Variants in ADAM32 observed in about 807,000 individuals in gnomAD.
ADAM32 encodes the protein disintegrin and metalloproteinase domain-containing protein 32.
In ADAM32, 89 loss-of-function variants were observed where a neutral mutation model predicts 114.9. The observed-to-expected ratio is 0.77, with a 90% CI of 0.65 to 0.92. The LOEUF is 0.92. ADAM32 is among the 40% of genes least tolerant of loss of function. The pLI is 0.00. For synonymous variants in ADAM32, 285 were observed against 307.5 expected, an observed-to-expected ratio of 0.93 and a Z score of 0.77; for missense variants, 870 against 932.8, an observed-to-expected ratio of 0.93 and a Z score of 0.88.
chr8:39,186,504 C>A (rs2129447170), intron 10 of ADAM32, among the ~76,000 whole-genome samples: 1 of 152,212 alleles, frequency 6.6e-6, no homozygotes, highest in Non-Finnish European at 1.5e-5. Flanking sequence ...GGTTAGTGGC[C>A]ATTTCATGAG....
chr8:39,224,633 T>C (rs924328759), intron 14 of ADAM32, among the ~76,000 whole-genome samples: 1 of 152,142 alleles, frequency 6.6e-6, no homozygotes, highest in Non-Finnish European at 1.5e-5. Flanking sequence ...GAGTTACTGA[T>C]ATATTTTGGA....
At chr8:39,195,114 C>G (rs7016877) in intron 11 of ADAM32, among the ~76,000 whole-genome samples, 4,188 of 152,220 alleles carry the variant, frequency 0.028, 217 homozygotes, top group African/African-American at 0.095. Flanking sequence ...GCTTCCTCCC[C>G]CTTCAGCCCA....
At chr8:39,113,150 C>A (rs903842950) in intron 1 of ADAM32, among the ~76,000 whole-genome samples, 2 of 152,142 alleles carry the variant, frequency 1.3e-5, no homozygotes, top group Non-Finnish European at 2.9e-5. Flanking sequence ...CATGAAGAAT[C>A]CTAGACTAGG....
At chr8:39,256,031 G>A (rs555661594) in intron 18 of ADAM32, among the ~76,000 whole-genome samples, 1 of 151,952 alleles carries the variant, frequency 6.6e-6, no homozygotes, top group East Asian at 1.9e-4. Context: ...AGATCAGTTG[G>A]CTGTACGTAC....
chr8:39,271,746 G>A (rs1046455432), intron 20 of ADAM32, among the ~76,000 whole-genome samples: 1 of 152,152 alleles, frequency 6.6e-6, no homozygotes, highest in Non-Finnish European at 1.5e-5. Context: ...GTGGGGAAGA[G>A]TCAATATTTG....
At chr8:39,181,421 G>A (rs1484482187) in intron 10 of ADAM32, among the ~76,000 whole-genome samples, 1 of 151,980 alleles carries the variant, frequency 6.6e-6, no homozygotes, top group Non-Finnish European at 1.5e-5. Flanking sequence ...ACATCCAAAC[G>A]TCAGAAGGAA....
chr8:39,242,955 C>T (rs1039678485), intron 16 of ADAM32, among the ~76,000 whole-genome samples: 8 of 152,036 alleles, frequency 5.3e-5, no homozygotes, highest in African/African-American at 1.9e-4. Flanking sequence ...GGAGATATTA[C>T]AACCTATAGC....
At chr8:39,182,537 C>A (rs1341533417) in intron 10 of ADAM32, among the ~76,000 whole-genome samples, 1 of 152,142 alleles carries the variant, frequency 6.6e-6, no homozygotes, top group Non-Finnish European at 1.5e-5. Flanking sequence ...GAATGCTTAA[C>A]ATTCACTCTC....
intron 10 of ADAM32, among the ~76,000 whole-genome samples, chr8:39,186,391 T>C (rs1806248623): frequency 6.6e-6 from 1 of 152,192 alleles, no homozygotes; most frequent in Non-Finnish European, 1.5e-5. Flanking sequence ...AATCCAATAG[T>C]GCAATCTGAA....
At chr8:39,118,050 A>C in intron 1 of ADAM32, 36 bp from the exon 2 acceptor site, 1 of 1,282,190 alleles carries the variant, frequency 7.8e-7, no homozygotes, top group Admixed American at 3.1e-5. Context: ...AAATTAAGGC[A>C]AGGTTACTAA....
chr8:39,151,193 G>A (rs1404478514), intron 5 of ADAM32, among the ~76,000 whole-genome samples, 184 bp from the exon 6 acceptor site: 3 of 152,072 alleles, frequency 2.0e-5, no homozygotes, highest in Non-Finnish European at 2.9e-5. Context: ...ATACAAAAAC[G>A]AAATAGAAAA....
At chr8:39,110,235 A>AT (rs992776036) in intron 1 of ADAM32, among the ~76,000 whole-genome samples, 4 of 152,016 alleles carry the variant, frequency 2.6e-5, no homozygotes, top group South Asian at 2.1e-4. Context: ...TGCCCAGCTA[A>AT]TTTTTTTGTA....
chr8:39,250,932 C>A (rs1385484668), intron 17 of ADAM32, among the ~76,000 whole-genome samples: 2 of 152,078 alleles, frequency 1.3e-5, no homozygotes, highest in Non-Finnish European at 2.9e-5. Flanking sequence ...TGATATTTAT[C>A]TTTCTGTGCT....
At chr8:39,185,722 C>G (rs139842009) in intron 10 of ADAM32, among the ~76,000 whole-genome samples, 392 of 152,286 alleles carry the variant, frequency 2.6e-3, no homozygotes, top group Non-Finnish European at 4.1e-3. Flanking sequence ...CCTTCTATTT[C>G]ATACTGTCTG....
chr8:39,177,187 G>A (rs1200498037), intron 10 of ADAM32, among the ~76,000 whole-genome samples: 1 of 151,826 alleles, frequency 6.6e-6, no homozygotes, highest in Non-Finnish European at 1.5e-5. Flanking sequence ...AGCCTCCCAA[G>A]TAGCTGGGAT....
intron 15 of ADAM32, among the ~76,000 whole-genome samples, 199 bp downstream of exon 15, chr8:39,232,334 G>A (rs994533741): frequency 6.6e-6 from 1 of 151,972 alleles, no homozygotes; most frequent in Non-Finnish European, 1.5e-5. Flanking sequence ...ACATTTATAC[G>A]TGAATGGCCA....
chr8:39,230,780 C>T (rs1399472913), intron 14 of ADAM32, among the ~76,000 whole-genome samples: 1 of 152,064 alleles, frequency 6.6e-6, no homozygotes, highest in Non-Finnish European at 1.5e-5. Context: ...TGCAGGTAAA[C>T]AGGAGAAACT....
intron 9 of ADAM32, chr8:39,165,791 G>C (rs1355058470): frequency 6.6e-6 from 1 of 152,090 alleles, no homozygotes; most frequent in Non-Finnish European, 1.5e-5. Context: ...TTGCTTGTGT[G>C]AGACTAATCT....
chr8:39,245,456 A>C, intron 16 of ADAM32, among the ~76,000 whole-genome samples: 1 of 152,312 alleles, frequency 6.6e-6, no homozygotes, highest in African/African-American at 2.4e-5. Flanking sequence ...TATTGAAATA[A>C]AAATTAAAAA....
Sources: allele counts gnomAD v4.1 joint callset (sites outside exome capture counted in the v4.1 genomes callset), GRCh38; gene constraint gnomAD v4.1.1; transcripts MANE v1.5; gene names NCBI Gene and HGNC (gene_info 2026-07-23, HGNC 2026-07-21).